Variants in RBFOX1 observed in about 807,000 individuals in gnomAD.
The protein encoded by RBFOX1 is RNA binding protein fox-1 homolog 1.
Under a neutral mutation model 57.7 loss-of-function variants are expected in RBFOX1, and 8 were observed. The ratio of observed to expected loss-of-function variants is 0.14; its 90% CI spans 0.08 to 0.25. The LOEUF (loss-of-function observed/expected upper bound fraction) is 0.25. RBFOX1 is among the 10% of genes least tolerant of loss of function. RBFOX1 has a pLI of 1.00. For synonymous variants in RBFOX1, 326 were observed against 222.4 expected, an observed-to-expected ratio of 1.47 and a Z score of -4.15; for missense variants, 611 against 548.5, an observed-to-expected ratio of 1.11 and a Z score of -1.14.
At chr16:6,524,601 T>C (rs1456723747) in intron 2 of RBFOX1, among the ~76,000 whole-genome samples, 6 of 152,106 alleles carry the variant, frequency 3.9e-5, no homozygotes, top group Admixed American at 3.9e-4. Context: ...CTGTGGAGGA[T>C]TGTGTTTGTG....
intron 2 of RBFOX1, among the ~76,000 whole-genome samples, chr16:6,378,693 C>A (rs138820669): frequency 5.3e-5 from 8 of 152,322 alleles, no homozygotes; most frequent in Non-Finnish European, 1.0e-4. Flanking sequence ...TTTAGAGGGG[C>A]AGCTGTCAGT....
intron 3 of RBFOX1, among the ~76,000 whole-genome samples, chr16:6,677,328 C>T (rs756175268): frequency 7.2e-5 from 11 of 152,140 alleles, no homozygotes; most frequent in Non-Finnish European, 1.2e-4. Context: ...TTTTGTAACA[C>T]TGAACTGATA....
intron 4 of RBFOX1, among the ~76,000 whole-genome samples, chr16:7,081,009 C>G (rs572864181): frequency 6.6e-6 from 1 of 152,162 alleles, no homozygotes; most frequent in Non-Finnish European, 1.5e-5. Flanking sequence ...TCAGCCCTTG[C>G]GAGTTGCTGG....
At chr16:7,046,134 C>T (rs2047845479) in intron 3 of RBFOX1, among the ~76,000 whole-genome samples, 1 of 151,928 alleles carries the variant, frequency 6.6e-6, no homozygotes, top group East Asian at 1.9e-4. Context: ...GAAGCATTGC[C>T]CTCAGTCTTT....
intron 4 of RBFOX1, among the ~76,000 whole-genome samples, chr16:7,196,217 G>A (rs573846061): frequency 7.2e-5 from 11 of 152,160 alleles, no homozygotes; most frequent in African/African-American, 2.4e-4. Flanking sequence ...TGGTAATAAT[G>A]ATTCCGTTAA....
intron 4 of RBFOX1, among the ~76,000 whole-genome samples, chr16:7,416,217 C>G (rs970772756): frequency 2.0e-5 from 3 of 152,208 alleles, no homozygotes; most frequent in African/African-American, 7.2e-5. Flanking sequence ...AAGGAAATCT[C>G]TGTGCCAAGG....
chr16:7,612,318 C>G (rs1335030961), intron 10 of RBFOX1, among the ~76,000 whole-genome samples: 1 of 54,816 alleles, frequency 1.8e-5, no homozygotes, highest in Non-Finnish European at 3.1e-5. Flanking sequence ...GAGACTCCAT[C>G]TCAAAAAAAA....
At chr16:5,982,217 A>G (rs1036771306) in intron 4 of RBFOX1, among the ~76,000 whole-genome samples, 1 of 152,112 alleles carries the variant, frequency 6.6e-6, no homozygotes, top group Non-Finnish European at 1.5e-5. Context: ...ATTGCCGCCA[A>G]GTTGTTTCTG....
chr16:5,706,592 G>C (rs1364925480), intron 3 of RBFOX1, among the ~76,000 whole-genome samples: 1 of 152,136 alleles, frequency 6.6e-6, no homozygotes, highest in East Asian at 1.9e-4. Flanking sequence ...GGAATGTTTG[G>C]CTTTTAATAA....
chr16:6,896,125 T>G (rs947045835), intron 3 of RBFOX1, among the ~76,000 whole-genome samples: 9 of 152,054 alleles, frequency 5.9e-5, no homozygotes, highest in Non-Finnish European at 1.3e-4. Flanking sequence ...CTACAAATAT[T>G]AGCTGGCATT....
At chr16:7,617,221 C>G (rs1051062674) in intron 10 of RBFOX1, among the ~76,000 whole-genome samples, 7 of 152,274 alleles carry the variant, frequency 4.6e-5, no homozygotes, top group Middle Eastern at 3.4e-3. Context: ...TTTGTAATCC[C>G]TATGATCCCT....
intron 3 of RBFOX1, among the ~76,000 whole-genome samples, chr16:6,916,914 A>G (rs1268585484): frequency 2.0e-5 from 3 of 152,138 alleles, no homozygotes; most frequent in Non-Finnish European, 4.4e-5. Context: ...CAGTGACATA[A>G]TCTCGGCTCA....
At chr16:5,966,892 C>A (rs1438488269) in intron 4 of RBFOX1, among the ~76,000 whole-genome samples, 1 of 149,608 alleles carries the variant, frequency 6.7e-6, no homozygotes, top group African/African-American at 2.5e-5. Flanking sequence ...TGTCCTCTTC[C>A]CAAACAGCCT....
chr16:6,736,965 C>G (rs1185861647), intron 3 of RBFOX1, among the ~76,000 whole-genome samples: 1 of 152,130 alleles, frequency 6.6e-6, no homozygotes, highest in African/African-American at 2.4e-5. Context: ...GAAGCGACAG[C>G]CTGTGTGCCC....
chr16:5,671,944 T>A (rs897957536), intron 3 of RBFOX1, among the ~76,000 whole-genome samples: 3 of 152,176 alleles, frequency 2.0e-5, no homozygotes, highest in Admixed American at 6.5e-5. Flanking sequence ...GTCACACTTA[T>A]AATCAGTTTT....
intron 4 of RBFOX1, among the ~76,000 whole-genome samples, chr16:7,504,736 TATATA>T (rs1567553729): frequency 5.9e-4 from 6 of 10,112 alleles, no homozygotes; most frequent in Admixed American, 1.5e-3. Context: ...TATATATATA[TATATA>T]TATATATATA....
At chr16:7,300,004 T>C (rs2095993450) in intron 4 of RBFOX1, among the ~76,000 whole-genome samples, 1 of 152,196 alleles carries the variant, frequency 6.6e-6, no homozygotes, top group South Asian at 2.1e-4. Flanking sequence ...GCAATAAGAT[T>C]GGAAGGAGCG....
chr16:7,466,695 A>G (rs771219059), intron 4 of RBFOX1, among the ~76,000 whole-genome samples: 1 of 152,196 alleles, frequency 6.6e-6, no homozygotes, highest in Non-Finnish European at 1.5e-5. Flanking sequence ...GGCAACAGTG[A>G]CGCTTACCTG....
At chr16:5,814,129 C>G (rs1043880853) in intron 3 of RBFOX1, among the ~76,000 whole-genome samples, 1 of 152,064 alleles carries the variant, frequency 6.6e-6, no homozygotes, top group Non-Finnish European at 1.5e-5. Context: ...TGGTACCTTC[C>G]CCTCTCCAAA....
Sources: allele counts gnomAD v4.1 joint callset (sites outside exome capture counted in the v4.1 genomes callset), GRCh38; gene constraint gnomAD v4.1.1; transcripts MANE v1.5; gene names NCBI Gene and HGNC (gene_info 2026-07-23, HGNC 2026-07-21).